The following STPG2 variants were observed in gnomAD, a reference collection of about 807,000 sequenced individuals.
STPG2 encodes sperm tail PG-rich repeat containing 2.
STPG2 carries 56 observed loss-of-function variants against 54.2 expected under a neutral mutation model. The ratio of observed to expected loss-of-function variants is 1.03; its 90% CI spans 0.83 to 1.29. The LOEUF (loss-of-function observed/expected upper bound fraction) is 1.29. Among genes scored for constraint, STPG2 ranks in the 50% most tolerant of loss-of-function variants. The pLI, the probability that STPG2 is intolerant of heterozygous loss-of-function variation, is 0.00. For synonymous variants in STPG2, 200 were observed against 181.8 expected, an observed-to-expected ratio of 1.10 and a Z score of -0.81; for missense variants, 596 against 544.9, an observed-to-expected ratio of 1.09 and a Z score of -0.93.
At position 97,749,822 on chromosome 4, in the gene STPG2, T is replaced by C. The variant is rs1274736245; in HGVS notation, c.1205-37008A>G. Among the ~76,000 whole-genome samples the C allele has an allele frequency of 3.3e-5, 5 of 151,938 alleles. No individual in the cohort carries two copies. In the South Asian group the frequency reaches 6.2e-4, roughly 19 times the overall value. The stretch of plus-strand genomic sequence containing the variant: ...AAGAGCCTAATTCTGATGTTTGTTC[T>C]CTCTGCAGAAATGCTATTTACTTGT... On this transcript the variant is annotated intron_variant, in intron 9 of 10. Coordinates refer to ENST00000295268, the MANE Select transcript of STPG2 (RefSeq NM_174952.3).
chr4:97,745,093 A>AAT lies in STPG2; in HGVS notation c.1205-32281_1205-32280dup, dbSNP rs1177073119. Among the ~76,000 whole-genome samples, 52 of 151,254 alleles carry AAT rather than the reference A, an allele frequency of 3.4e-4. 1 individual carries two copies. Among genetic ancestry groups the AAT allele is most frequent in the Non-Finnish European group, 1.5e-5 (1 of 67,394 alleles). ...TTGGTCAATCTAAAATTAGGCCACC[A>AAT]ATGTTGTAAGAAGAGATTGAAAAAT... On this transcript the variant is annotated intron_variant, in intron 9 of 10. Coordinates refer to ENST00000295268, the MANE Select transcript of STPG2 (RefSeq NM_174952.3).
intron 8 of STPG2, among the ~76,000 whole-genome samples, chr4:97,922,034 T>C (rs1017595192): frequency 1.3e-5 from 2 of 151,982 alleles, no homozygotes; most frequent in Non-Finnish European, 1.5e-5. Flanking sequence ...GGTGAAGAAA[T>C]GGAGAGATTT....
chr4:98,054,190 T>C (rs150678642), intron 5 of STPG2, among the ~76,000 whole-genome samples: 301 of 152,284 alleles, frequency 2.0e-3, no homozygotes, highest in African/African-American at 7.1e-3. Flanking sequence ...ATGATCACTA[T>C]GTTTTTATAA....
intron 9 of STPG2, among the ~76,000 whole-genome samples, chr4:97,776,961 T>C (rs891371553): frequency 1.3e-5 from 2 of 152,156 alleles, no homozygotes; most frequent in East Asian, 3.9e-4. Flanking sequence ...TTAGGAGTAA[T>C]AGGAGAATAA....
chr4:97,530,297 T>C (rs182300480), intron 4 of STPG2, among the ~76,000 whole-genome samples: 13 of 152,330 alleles, frequency 8.5e-5, no homozygotes, highest in Non-Finnish European at 1.3e-4. Flanking sequence ...TGTTATTGTT[T>C]GTCACATTCT....
chr4:97,765,293 T>C (rs1358063315), intron 9 of STPG2, among the ~76,000 whole-genome samples: 2 of 152,180 alleles, frequency 1.3e-5, no homozygotes, highest in African/African-American at 4.8e-5. Context: ...CTTTAAGTGA[T>C]ATACTGAGAA....
At chr4:97,794,616 G>C (rs1264065795) in intron 9 of STPG2, among the ~76,000 whole-genome samples, 1 of 152,104 alleles carries the variant, frequency 6.6e-6, no homozygotes, top group African/African-American at 2.4e-5. Flanking sequence ...CCATACCATA[G>C]AGTGTTGAGT....
chr4:97,919,103 A>G (rs141959434), intron 8 of STPG2, among the ~76,000 whole-genome samples: 296 of 152,308 alleles, frequency 1.9e-3, no homozygotes, highest in African/African-American at 7.0e-3. Context: ...ACTTCTAAAT[A>G]TGTCAAAATA....
chr4:97,908,998 T>G (rs923286405), intron 8 of STPG2, among the ~76,000 whole-genome samples: 1 of 142,302 alleles, frequency 7.0e-6, no homozygotes, highest in Non-Finnish European at 1.5e-5. Flanking sequence ...ACATGTACCC[T>G]AAAACTTAAA....
chr4:98,033,196 T>C (rs914870428), intron 5 of STPG2, among the ~76,000 whole-genome samples: 1 of 150,912 alleles, frequency 6.6e-6, no homozygotes, highest in South Asian at 2.1e-4. Flanking sequence ...ACAAAATAGA[T>C]AGACTGCTAG....
At chr4:97,588,684 G>C (rs2148896402) in intron 10 of STPG2, among the ~76,000 whole-genome samples, 1 of 152,138 alleles carries the variant, frequency 6.6e-6, no homozygotes, top group African/African-American at 2.4e-5. Flanking sequence ...TTTAAAAATT[G>C]ACAGGGATAT....
downstream of STPG2, among the ~76,000 whole-genome samples, chr4:97,557,795 A>C (rs914561448): frequency 6.6e-6 from 1 of 152,226 alleles, no homozygotes; most frequent in Non-Finnish European, 1.5e-5. Flanking sequence ...GACTCTGCAG[A>C]AATCAATTTA....
At chr4:97,994,678 C>A (rs1286663548) in intron 5 of STPG2, among the ~76,000 whole-genome samples, 1 of 152,088 alleles carries the variant, frequency 6.6e-6, no homozygotes, top group African/African-American at 2.4e-5. Context: ...GCCATGAATA[C>A]CAGCACCTAC....
chr4:97,585,119 A>AAC lies in STPG2; in HGVS notation c.1321-26003_1321-26002insGT, dbSNP rs1422622699. ...ATATTCTCAAAAAAAAAAAAAAAAA[A>AAC]AAAAACAAAACTACAAGTTAACATC... On this transcript the variant is annotated intron_variant, in intron 10 of 10. Coordinates refer to ENST00000295268, the MANE Select transcript of STPG2 (RefSeq NM_174952.3). Among the ~76,000 whole-genome samples, 219 of 127,676 alleles carry AAC rather than the reference A, an allele frequency of 1.7e-3. 1 individual carries two copies. The highest frequency in any genetic ancestry group is 2.8e-3 in the Non-Finnish European group (183 of 66,480). The allele number at this position is 127,676 out of a possible 152,430, so 83.8% of individuals were successfully genotyped here.
intron 10 of STPG2, among the ~76,000 whole-genome samples, chr4:97,688,837 T>A (rs766594809): frequency 6.6e-6 from 1 of 152,138 alleles, no homozygotes; most frequent in South Asian, 2.1e-4. Flanking sequence ...AAATAATAAT[T>A]AAAAAATTAT....
intron 9 of STPG2, among the ~76,000 whole-genome samples, chr4:97,722,052 C>A (rs1724465361): frequency 6.8e-6 from 1 of 146,740 alleles, no homozygotes; most frequent in African/African-American, 2.7e-5. Context: ...CACAATGTCC[C>A]CCTCCCCTCC....
rs565981939 is a variant in STPG2, at chr4:98,052,773, T to C, written c.612+53180A>G. On this transcript the variant is annotated intron_variant, in intron 5 of 10. Coordinates refer to ENST00000295268, the MANE Select transcript of STPG2 (RefSeq NM_174952.3). ...GTGGCTATCACTTACTTAGTAGGCA[T>C]TGAACCAATGACCCATTCTGGAGAA... Among the ~76,000 whole-genome samples, 20 of 152,284 alleles carry C rather than the reference T, an allele frequency of 1.3e-4. No homozygotes were observed. The South Asian group carries it at 4.1e-3, about 32-fold the overall frequency.
chr4:97,852,051 T>G (rs933167870), intron 8 of STPG2, among the ~76,000 whole-genome samples: 1 of 152,180 alleles, frequency 6.6e-6, no homozygotes, highest in African/African-American at 2.4e-5. Flanking sequence ...ACAGAGAAAT[T>G]CTTTAAAAAG....
At chr4:97,720,612 T>C (rs1056241498) in intron 9 of STPG2, among the ~76,000 whole-genome samples, 3 of 151,974 alleles carry the variant, frequency 2.0e-5, no homozygotes, top group African/African-American at 7.2e-5. Flanking sequence ...ATGGAATAAA[T>C]AAGCATAGTT....
Sources: allele counts gnomAD v4.1 joint callset (sites outside exome capture counted in the v4.1 genomes callset), GRCh38; gene constraint gnomAD v4.1.1; transcripts MANE v1.5; gene names NCBI Gene and HGNC (gene_info 2026-07-23, HGNC 2026-07-21).